The following EPHB1 variants were observed in gnomAD, a reference collection of about 807,000 sequenced individuals.
EPHB1 encodes EPH receptor B1, also known as ephrin type-B receptor 1.
EPHB1 carries 30 observed loss-of-function variants against 94.4 expected under a neutral mutation model. The ratio of observed to expected loss-of-function variants is 0.32; its 90% CI spans 0.24 to 0.43. The LOEUF (loss-of-function observed/expected upper bound fraction) is 0.43. EPHB1 is among the 20% of genes least tolerant of loss of function. The pLI is 1.00. For synonymous variants in EPHB1, 522 were observed against 489.1 expected (o/e 1.07, Z -0.89); for missense variants, 1,055 against 1,308.3 (o/e 0.81, Z 2.99).
chr3:135,101,157 C>A (rs1428737166), intron 3 of EPHB1, among the ~76,000 whole-genome samples: 1 of 152,190 alleles, frequency 6.6e-6, no homozygotes, highest in African/African-American at 2.4e-5. Flanking sequence ...GAATACACAG[C>A]AAGGTGTCGG....
chr3:134,825,945 A>G (rs989234905), intron 1 of EPHB1, among the ~76,000 whole-genome samples: 1 of 152,070 alleles, frequency 6.6e-6, no homozygotes. Flanking sequence ...ACTATCATCT[A>G]TAAAAGGCAA....
chr3:134,942,006 T>C (rs565097300), intron 2 of EPHB1, among the ~76,000 whole-genome samples: 16 of 152,362 alleles, frequency 1.1e-4, no homozygotes, highest in African/African-American at 3.1e-4. Context: ...TCCTTTATTA[T>C]GCTTATCTCA....
chr3:135,161,997 C>A, intron 6 of EPHB1, 21 bp from the exon 7 acceptor site: 3 of 1,594,046 alleles, frequency 1.9e-6, no homozygotes, highest in South Asian at 1.1e-5. Context: ...GATAGTGACC[C>A]TTTCCCTTGC....
chr3:135,084,884 G>C (rs1938295178), intron 3 of EPHB1, among the ~76,000 whole-genome samples: 5 of 152,174 alleles, frequency 3.3e-5, no homozygotes, highest in Admixed American at 3.3e-4. Context: ...CTAAAATCAA[G>C]CCTTGTATGT....
intron 3 of EPHB1, among the ~76,000 whole-genome samples, chr3:135,013,323 AACTCTGCAGTGCCC>A (rs1486514660): frequency 6.6e-6 from 1 of 152,228 alleles, no homozygotes; most frequent in Non-Finnish European, 1.5e-5. Flanking sequence ...CTGCAGTGCC[AACTCTGCAGTGCCC>A]ACATCTCTCA....
chr3:135,060,827 C>A (rs896889405), intron 3 of EPHB1, among the ~76,000 whole-genome samples: 6 of 151,990 alleles, frequency 3.9e-5, no homozygotes, highest in South Asian at 2.1e-4. Flanking sequence ...TTTAAATATA[C>A]AATTAAATTG....
intron 9 of EPHB1, among the ~76,000 whole-genome samples, chr3:135,175,099 C>G (rs962025421): frequency 6.6e-6 from 1 of 152,156 alleles, no homozygotes; most frequent in Non-Finnish European, 1.5e-5. Context: ...AGCTTTCAAT[C>G]CCCAAATATC....
In EPHB1 at chr3:134,897,691, C is replaced by A. The variant is rs1462763195; in HGVS notation, c.59-28125C>A. Among the ~76,000 whole-genome samples the A allele has an allele frequency of 2.0e-5, 3 of 152,312 alleles. No homozygotes were observed. In the East Asian group the frequency reaches 5.8e-4, roughly 29 times the overall value. On this transcript the variant is annotated intron_variant, in intron 1 of 15. Coordinates refer to ENST00000398015, the MANE Select transcript of EPHB1 (RefSeq NM_004441.5). ...ATGGATGATGGATGAATGGCCACTTCTCCCTTTGGGGCCTTTATTCCTCCT... is the reference window on the plus strand; with the variant it reads ...ATGGATGATGGATGAATGGCCACTTATCCCTTTGGGGCCTTTATTCCTCCT...
chr3:135,047,520 G>A (rs1191882639), intron 3 of EPHB1, among the ~76,000 whole-genome samples: 1 of 152,104 alleles, frequency 6.6e-6, no homozygotes, highest in African/African-American at 2.4e-5. Context: ...GAGGATTCAG[G>A]GCCTCTGCAG....
intron 3 of EPHB1, among the ~76,000 whole-genome samples, chr3:135,029,252 T>A (rs1936319365): frequency 6.7e-6 from 1 of 149,312 alleles, no homozygotes; most frequent in African/African-American, 2.5e-5. Flanking sequence ...ATGTGTGAAT[T>A]TGATCCTGTC....
At chr3:134,990,511 A>G (rs1301385057) in intron 3 of EPHB1, among the ~76,000 whole-genome samples, 1 of 152,100 alleles carries the variant, frequency 6.6e-6, no homozygotes, top group Non-Finnish European at 1.5e-5. Flanking sequence ...TATTTTCTCC[A>G]TGTTAATAGT....
At chr3:134,882,808 T>TTCTTTCTTTC (rs1560280699) in intron 1 of EPHB1, among the ~76,000 whole-genome samples, 3 of 85,482 alleles carry the variant, frequency 3.5e-5, no homozygotes, top group African/African-American at 1.2e-4. Flanking sequence ...CTTTCTTTCT[T>TTCTTTCTTTC]TCTTTCTTTC....
chr3:134,873,960 A>T (rs1325366515), intron 1 of EPHB1, among the ~76,000 whole-genome samples: 1 of 151,938 alleles, frequency 6.6e-6, no homozygotes, highest in Non-Finnish European at 1.5e-5. Context: ...GAGAATGGGG[A>T]ATTCTCCTCT....
chr3:135,071,184 C>T (rs1254422940), intron 3 of EPHB1, among the ~76,000 whole-genome samples: 2 of 152,334 alleles, frequency 1.3e-5, no homozygotes, highest in Admixed American at 6.5e-5. Flanking sequence ...GAAGGCTTTG[C>T]TGGTAGAACC....
chr3:135,237,311 CAG>C (rs1491295216), intron 12 of EPHB1, among the ~76,000 whole-genome samples: 158 of 145,258 alleles, frequency 1.1e-3, no homozygotes, highest in Admixed American at 2.7e-3. Flanking sequence ...CACACACACA[CAG>C]ACAGACACAA....
chr3:135,111,287 A>G (rs1424960590), intron 4 of EPHB1, among the ~76,000 whole-genome samples: 4 of 152,224 alleles, frequency 2.6e-5, no homozygotes, highest in Non-Finnish European at 5.9e-5. Context: ...ACCCGGAGCC[A>G]CTGAATGAGA....
intron 1 of EPHB1, among the ~76,000 whole-genome samples, chr3:134,887,368 T>C (rs2037882152): frequency 1.3e-5 from 2 of 152,192 alleles, no homozygotes; most frequent in Admixed American, 1.3e-4. Flanking sequence ...CTTTCACATA[T>C]GCTATTGGTC....
At chr3:134,824,958 A>G (rs925883111) in intron 1 of EPHB1, among the ~76,000 whole-genome samples, 3 of 152,188 alleles carry the variant, frequency 2.0e-5, no homozygotes, top group Non-Finnish European at 4.4e-5. Context: ...CTCCTGAGCC[A>G]CCCCAAGTGA....
intron 1 of EPHB1, among the ~76,000 whole-genome samples, chr3:134,805,282 G>A (rs565662940): frequency 6.6e-6 from 1 of 152,290 alleles, no homozygotes; most frequent in South Asian, 2.1e-4. Context: ...CCTCCAAATG[G>A]TTTGGGATGG....
Sources: gnomAD v4.1 joint callset for allele counts (sites outside exome capture counted in the v4.1 genomes callset) on GRCh38, gnomAD v4.1.1 for gene constraint, MANE v1.5 for transcripts, NCBI Gene and HGNC (gene_info 2026-07-23, HGNC 2026-07-21) for gene names.